The following TRPM7 variants were observed in gnomAD, a reference collection of about 807,000 sequenced individuals.
The protein encoded by TRPM7 is LTRPC ion channel family member 7.
TRPM7 carries 134 observed loss-of-function variants against 229.7 expected under a neutral mutation model. The observed-to-expected ratio is 0.58, with a 90% confidence interval of 0.51 to 0.67. The LOEUF (loss-of-function observed/expected upper bound fraction) is 0.67. Ranked by LOEUF, TRPM7 falls within the 30% of genes least tolerant of loss-of-function variation. The pLI is 0.00. For missense variants in TRPM7, 1,901 were observed against 2,210.0 expected, an observed-to-expected ratio of 0.86 and a Z score of 2.80; for synonymous variants, 699 against 715.2, an observed-to-expected ratio of 0.98 and a Z score of 0.36.
chr15:50,570,512 T>C (rs1343219113), intron 36 of TRPM7, among the ~76,000 whole-genome samples: 1 of 151,880 alleles, frequency 6.6e-6, no homozygotes, highest in Non-Finnish European at 1.5e-5. Context: ...CAAAGAACAA[T>C]TTGGTACATG....
intron 20 of TRPM7, among the ~76,000 whole-genome samples, chr15:50,605,433 T>C (rs555988644): frequency 1.3e-5 from 2 of 152,238 alleles, no homozygotes; most frequent in South Asian, 2.1e-4. Flanking sequence ...TTTTGAAAAA[T>C]TGTTTTATTT....
At chr15:50,653,070 GA>G (rs1319270743) in intron 3 of TRPM7, among the ~76,000 whole-genome samples, 5 of 152,150 alleles carry the variant, frequency 3.3e-5, no homozygotes, top group Non-Finnish European at 7.4e-5. Flanking sequence ...AAGATCACCT[GA>G]GCCCGGGAGG....
intron 31 of TRPM7, among the ~76,000 whole-genome samples, chr15:50,576,342 TTG>T (rs371294281): frequency 1.3e-5 from 2 of 151,896 alleles, no homozygotes; most frequent in African/African-American, 4.8e-5. Context: ...CCCCATCTTT[TTG>T]TGTGTGTGTG....
chr15:50,590,542 C>T (rs533748508), intron 26 of TRPM7, among the ~76,000 whole-genome samples: 16 of 152,280 alleles, frequency 1.1e-4, no homozygotes, highest in African/African-American at 3.9e-4. Context: ...ATGGAATTCA[C>T]TCTAGATATA....
In TRPM7 at chr15:50,686,754, G is replaced by T. The variant is rs1269028773; in HGVS notation, c.-221C>A. 1 of 533,484 alleles carries T rather than the reference G, an allele frequency of 1.9e-6. No individual in the cohort carries two copies. Among genetic ancestry groups the T allele is most frequent in the Non-Finnish European group, 3.1e-6 (1 of 323,410 alleles). The allele number at this position is 533,484 out of a possible 1,614,324, so 33.0% of individuals were successfully genotyped here. A position where few individuals can be genotyped will look rare whatever the true frequency, so the allele number is the denominator to read the frequency against. ...CAACTCCTCCGGGTGACTGGCCACAGGGACGCGCCCGCGCCCGCCTCCGCC... is the reference window on the plus strand; with the variant it reads ...CAACTCCTCCGGGTGACTGGCCACATGGACGCGCCCGCGCCCGCCTCCGCC... On this transcript the variant is annotated 5_prime_UTR_variant, in exon 1 of 39. It adds an upstream start codon to the 5' untranslated region. Transcript: ENST00000646667.
chr15:50,660,525 C>A (rs909221813), intron 2 of TRPM7, among the ~76,000 whole-genome samples: 11 of 152,102 alleles, frequency 7.2e-5, no homozygotes, highest in African/African-American at 2.7e-4. Flanking sequence ...CGTGGTAGCG[C>A]ATGCCTATAG....
chr15:50,607,779 G>A (rs1271398762), intron 19 of TRPM7, among the ~76,000 whole-genome samples: 1 of 151,668 alleles, frequency 6.6e-6, no homozygotes, highest in Non-Finnish European at 1.5e-5. Flanking sequence ...CGCCGCGGTG[G>A]CTCACGCCTG....
At chr15:50,679,511 A>AATATATATAT (rs138501624) in intron 1 of TRPM7, among the ~76,000 whole-genome samples, 9 of 75,436 alleles carry the variant, frequency 1.2e-4, no homozygotes, top group African/African-American at 6.4e-4. Context: ...GTATATATAT[A>AATATATATAT]ATATATATAT....
chr15:50,635,521 G>C (rs2060870069), intron 7 of TRPM7, among the ~76,000 whole-genome samples: 1 of 150,844 alleles, frequency 6.6e-6, no homozygotes, highest in East Asian at 1.9e-4. Context: ...AAAGTAGCCG[G>C]GCATGGTGGC....
chr15:50,647,677 C>T (rs904495582), intron 4 of TRPM7, among the ~76,000 whole-genome samples: 10 of 151,812 alleles, frequency 6.6e-5, no homozygotes, highest in South Asian at 2.1e-4. Context: ...CCCAGGAGGC[C>T]GGAGGTTGCA....
intron 38 of TRPM7, among the ~76,000 whole-genome samples, chr15:50,564,235 TGA>T (rs1410797248): frequency 1.2e-5 from 1 of 81,548 alleles, no homozygotes; most frequent in Non-Finnish European, 3.0e-5. Context: ...GGTGACAGAG[TGA>T]GACTGTCTCA....
In TRPM7 at chr15:50,681,262, A is replaced by ACAC. The variant is rs2062234758; in HGVS notation, c.3+5268_3+5269insGTG. The stretch of plus-strand genomic sequence containing the variant: ...CAAGACTTCGTCTCAAAAATAAATA[A>ACAC]ATACACACACACACACACACACACA... On this transcript the variant is annotated intron_variant, in intron 1 of 38. Coordinates refer to ENST00000646667, the MANE Select transcript of TRPM7 (RefSeq NM_017672.6). 5.6e-5 allele frequency among the ~76,000 whole-genome samples: 3 copies of ACAC among 53,610 alleles called. No homozygotes were observed. In the South Asian group the frequency reaches 2.1e-3, roughly 38 times the overall value. The allele number at this position is 53,610 out of a possible 152,430, so 35.2% of individuals were successfully genotyped here.
At chr15:50,612,499 T>G in intron 16 of TRPM7, 50 bp downstream of exon 16, 1 of 1,556,298 alleles carries the variant, frequency 6.4e-7, no homozygotes, top group South Asian at 1.2e-5. Context: ...ACTCAAACAA[T>G]ACCTACTTTG....
At chr15:50,638,038 G>A (rs2060960237) in intron 6 of TRPM7, among the ~76,000 whole-genome samples, 1 of 152,026 alleles carries the variant, frequency 6.6e-6, no homozygotes, top group African/African-American at 2.4e-5. Flanking sequence ...CCAACATGGT[G>A]AAACCCCATC....
At chr15:50,586,124 T>C (rs765805373) in intron 28 of TRPM7, among the ~76,000 whole-genome samples, 4 of 152,220 alleles carry the variant, frequency 2.6e-5, no homozygotes, top group Non-Finnish European at 5.9e-5. Context: ...AACAGATACA[T>C]TTGCAAAAGC....
At chr15:50,571,647 G>C (rs542461129) in intron 36 of TRPM7, among the ~76,000 whole-genome samples, 2 of 151,982 alleles carry the variant, frequency 1.3e-5, no homozygotes, top group Non-Finnish European at 2.9e-5. Context: ...ATAAAAAAGA[G>C]GGAAAAAAGT....
chr15:50,650,907 G>C (rs2061404841), intron 3 of TRPM7, among the ~76,000 whole-genome samples: 1 of 152,160 alleles, frequency 6.6e-6, no homozygotes, highest in East Asian at 1.9e-4. Context: ...CCCAGACATT[G>C]GCCGGGCGTG....
At chr15:50,570,358 C>T (rs1221309301) in intron 36 of TRPM7, among the ~76,000 whole-genome samples, 1 of 152,058 alleles carries the variant, frequency 6.6e-6, no homozygotes, top group African/African-American at 2.4e-5. Context: ...CAGGGAGAGG[C>T]ATATCTCCTT....
chr15:50,614,186 G>A lies in TRPM7; in HGVS notation c.1572C>T (p.Tyr524=). The change falls in exon 14 of 39, where the codon TAC becomes TAT. Residue 524 remains tyrosine (Y), a synonymous_variant. Transcript: ENST00000646667. ...LVIEYLMGGT[Y]RCTYTRKRFR... ...AACGTTTCCTAGTATAGGTGCATCTGTAGGTTCCTCCCATGAGATATTCAA... is the reference window on the plus strand; with the variant it reads ...AACGTTTCCTAGTATAGGTGCATCTATAGGTTCCTCCCATGAGATATTCAA... 6.2e-7 allele frequency: 1 copy of A among 1,612,910 alleles called. No individual in the cohort carries two copies. Among genetic ancestry groups the A allele is most frequent in the Non-Finnish European group, 8.5e-7 (1 of 1,179,202 alleles).
Sources: gnomAD v4.1 joint callset for allele counts (sites outside exome capture counted in the v4.1 genomes callset) on GRCh38, gnomAD v4.1.1 for gene constraint, MANE v1.5 for transcripts, NCBI Gene and HGNC (gene_info 2026-07-23, HGNC 2026-07-21) for gene names.